Variants in EYS observed in about 807,000 individuals in gnomAD.
EYS encodes the protein protein eyes shut homolog.
EYS carries 250 observed loss-of-function variants against 282.1 expected under a neutral mutation model. The ratio of observed to expected loss-of-function variants is 0.89; its 90% confidence interval spans 0.80 to 0.98. The LOEUF is 0.98. EYS is among the 50% of genes least tolerant of loss of function. The probability of loss-of-function intolerance (pLI) is 0.00; values close to 1 mark genes in which losing one functional copy is unlikely to be tolerated. For missense variants in EYS, 4,016 were observed against 3,709.0 expected (o/e 1.08, Z -2.15); for synonymous variants, 1,355 against 1,282.9 (o/e 1.06, Z -1.20).
At chr6:65,563,278 A>T (rs1265075732) in intron 2 of EYS, among the ~76,000 whole-genome samples, 1 of 152,150 alleles carries the variant, frequency 6.6e-6, no homozygotes, top group African/African-American at 2.4e-5. Context: ...CAATTATACA[A>T]GTTGCAAAAT....
At chr6:64,953,278 T>A (rs1300079350) in intron 14 of EYS, among the ~76,000 whole-genome samples, 3 of 151,714 alleles carry the variant, frequency 2.0e-5, no homozygotes, top group Non-Finnish European at 4.4e-5. Flanking sequence ...AGATATATAC[T>A]GAAAAAAATA....
intron 12 of EYS, among the ~76,000 whole-genome samples, chr6:65,239,804 C>T (rs970518157): frequency 1.3e-5 from 2 of 152,014 alleles, no homozygotes; most frequent in African/African-American, 4.8e-5. Flanking sequence ...TAATACCATA[C>T]ATGTAATTCT....
intron 12 of EYS, among the ~76,000 whole-genome samples, chr6:65,291,771 T>A (rs1768533245): frequency 1.3e-5 from 2 of 151,568 alleles, no homozygotes; most frequent in Admixed American, 6.6e-5. Context: ...GAGGCTCATT[T>A]TCATGAAGAA....
intron 13 of EYS, among the ~76,000 whole-genome samples, chr6:65,020,634 C>G (rs971092339): frequency 6.6e-6 from 1 of 152,176 alleles, no homozygotes; most frequent in African/African-American, 2.4e-5. Flanking sequence ...GACTGTGGCT[C>G]TCTTCTCACA....
intron 12 of EYS, among the ~76,000 whole-genome samples, chr6:65,155,507 T>C (rs1397094257): frequency 2.0e-5 from 3 of 151,490 alleles, no homozygotes; most frequent in African/African-American, 7.3e-5. Flanking sequence ...AAGGGGGAGT[T>C]TGTAGATTAA....
intron 12 of EYS, among the ~76,000 whole-genome samples, chr6:65,256,430 C>G (rs968842885): frequency 7.2e-6 from 1 of 138,536 alleles, no homozygotes; most frequent in African/African-American, 2.8e-5. Flanking sequence ...TCCCCCCTCC[C>G]CACCACAGTC....
chr6:65,069,344 T>C (rs1773841246), intron 12 of EYS, among the ~76,000 whole-genome samples: 1 of 152,022 alleles, frequency 6.6e-6, no homozygotes, highest in African/African-American at 2.4e-5. Flanking sequence ...ATTTAACTTA[T>C]ACTCATTTTC....
intron 22 of EYS, among the ~76,000 whole-genome samples, chr6:64,794,637 T>C (rs1204354262): frequency 2.6e-5 from 4 of 152,196 alleles, no homozygotes; most frequent in Non-Finnish European, 4.4e-5. Context: ...TTCATAGTAG[T>C]ATGAGAATGG....
chr6:64,838,414 A>G (rs758041011), intron 19 of EYS, among the ~76,000 whole-genome samples: 1 of 151,936 alleles, frequency 6.6e-6, no homozygotes, highest in Non-Finnish European at 1.5e-5. Context: ...TTCAAGTGGT[A>G]TCTGGTTCTC....
chr6:65,229,620 T>C (rs1405310636), intron 12 of EYS, among the ~76,000 whole-genome samples: 2 of 151,936 alleles, frequency 1.3e-5, no homozygotes, highest in Non-Finnish European at 2.9e-5. Flanking sequence ...GGTGTGGTTT[T>C]AGATTGAAAG....
intron 1 of EYS, among the ~76,000 whole-genome samples, chr6:65,699,880 C>T (rs550926293): frequency 1.3e-5 from 2 of 151,468 alleles, no homozygotes; most frequent in Non-Finnish European, 2.9e-5. Flanking sequence ...TTTGGGAGGC[C>T]GAGGCGGGCG....
rs796789710 is a variant in EYS at position 64,082,076 on chromosome 6, T to G, written c.6425-74A>C. The G allele has an allele frequency of 6.9e-6, 7 of 1,014,478 alleles. No homozygotes were observed. In the African/African-American group the frequency reaches 9.9e-5, roughly 14 times the overall value. The allele number at this position is 1,014,478 out of a possible 1,614,324, so 62.8% of individuals were successfully genotyped here. On this transcript the variant is annotated intron_variant, in intron 31 of 42. Coordinates refer to ENST00000503581, the MANE Select transcript of EYS (RefSeq NM_001142800.2). ...CTCAAGTAGATAAAAACTTAGCATT[T>G]ATAGTTAGCATTCATTTGAAAAGGT...
At chr6:64,687,704 C>T (rs1029733159) in intron 22 of EYS, among the ~76,000 whole-genome samples, 5 of 152,194 alleles carry the variant, frequency 3.3e-5, no homozygotes, top group East Asian at 1.9e-4. Flanking sequence ...GTCTCTGCCA[C>T]GCTTTGTTAT....
chr6:65,375,325 A>G (rs974000904), intron 8 of EYS, among the ~76,000 whole-genome samples: 2 of 152,148 alleles, frequency 1.3e-5, no homozygotes, highest in East Asian at 3.9e-4. Flanking sequence ...AACAAACAGC[A>G]AGCAATAACA....
chr6:64,948,601 T>G lies in EYS; in HGVS notation c.2260-2687A>C, dbSNP rs929506623. 5.4e-5 allele frequency among the ~76,000 whole-genome samples: 8 copies of G among 146,796 alleles called. No individual in the cohort carries two copies. In the South Asian group the frequency reaches 1.5e-3, roughly 27 times the overall value. On this transcript the variant is annotated intron_variant, in intron 14 of 42. Transcript: ENST00000503581. ...TAAATATTAAGTAATTATTAAATAT[T>G]AAATAATATTAAATAATAGTAAATA...
chr6:64,403,222 A>G (rs1223219598), intron 28 of EYS, among the ~76,000 whole-genome samples: 1 of 152,182 alleles, frequency 6.6e-6, no homozygotes, highest in East Asian at 1.9e-4. Flanking sequence ...TTAATTTAGC[A>G]TACATTTATA....
intron 31 of EYS, among the ~76,000 whole-genome samples, chr6:64,176,509 G>C (rs969741006): frequency 6.6e-6 from 1 of 151,958 alleles, no homozygotes; most frequent in African/African-American, 2.4e-5. Context: ...TTGTGTGTGT[G>C]TGTGTGTGTG....
At position 65,405,326 on chromosome 6, in the gene EYS, G is replaced by A. The variant is rs202064483; in HGVS notation, c.904C>T (p.Leu302Phe). The change falls in exon 6 of 43, where the codon CTT becomes TTT. Residue 302 changes from leucine (L) to phenylalanine (F), a missense_variant. Coordinates refer to ENST00000503581, the MANE Select transcript of EYS (RefSeq NM_001142800.2). Reference protein sequence around the residue: ...EVSAKPCVSLLFWKRGICPNS... With the variant: ...EVSAKPCVSLFFWKRGICPNS... ...GGGCAAATTCCTCTTTTCCAAAAAA[G>A]CAGAGAAACACAAGGTTTTGCTGAC... is the stretch of plus-strand genomic sequence containing the variant. The A allele has an allele frequency of 5.4e-5, 87 of 1,611,554 alleles. No homozygotes were observed. In the East Asian group the frequency reaches 1.7e-3, roughly 32 times the overall value.
intron 1 of EYS, among the ~76,000 whole-genome samples, chr6:65,647,148 G>A (rs1339652204): frequency 1.3e-5 from 2 of 151,966 alleles, no homozygotes; most frequent in Non-Finnish European, 2.9e-5. Context: ...ATTCTTCACA[G>A]AACTAGAAAA....
Sources: allele counts gnomAD v4.1 joint callset (sites outside exome capture counted in the v4.1 genomes callset), GRCh38; gene constraint gnomAD v4.1.1; transcripts MANE v1.5; gene names NCBI Gene and HGNC (gene_info 2026-07-23, HGNC 2026-07-21).